Variants in IL7 observed in about 807,000 individuals in gnomAD.
IL7 encodes interleukin 7, also known as interleukin-7.
In IL7, 3 loss-of-function variants were observed where a neutral mutation model predicts 21.6. That is an observed-to-expected ratio of 0.14 (90% CI 0.06 to 0.36). IL7 has a LOEUF of 0.36. Among genes scored for constraint, IL7 ranks in the 10% least tolerant of loss-of-function variants. The pLI is 1.00. For synonymous variants in IL7, 62 were observed against 68.1 expected (o/e 0.91, Z 0.44); for missense variants, 175 against 200.2 (o/e 0.87, Z 0.76).
At chr8:78,701,261 A>G (rs1003547974) in intron 3 of IL7, among the ~76,000 whole-genome samples, 6 of 152,120 alleles carry the variant, frequency 3.9e-5, no homozygotes, top group African/African-American at 1.4e-4. Flanking sequence ...GCAATTGTGA[A>G]TGGGAGTTTG....
chr8:78,695,744 C>T (rs1810379468), intron 3 of IL7, among the ~76,000 whole-genome samples: 1 of 152,070 alleles, frequency 6.6e-6, no homozygotes, highest in South Asian at 2.1e-4. Flanking sequence ...GGTTCATCTC[C>T]CAAAGTCTCA....
chr8:78,708,461 T>C lies in IL7; in HGVS notation n.214+12887A>G, dbSNP rs1458857879. On this transcript the variant is annotated intron_variant and non_coding_transcript_variant, in intron 3 of 4. Coordinates refer to the IL7 transcript ENST00000523959. ...GGGAGAGTGAGGTGGGAGAGTCGCT[T>C]GAACCCAGGAGTTTGAGACTTGCCT... Among the ~76,000 whole-genome samples the C allele has an allele frequency of 5.3e-5, 8 of 152,194 alleles. No individual in the cohort carries two copies. The East Asian group carries it at 5.8e-4, about 11-fold the overall frequency.
At chr8:78,696,640 A>G (rs1029163647) in intron 3 of IL7, among the ~76,000 whole-genome samples, 1 of 152,226 alleles carries the variant, frequency 6.6e-6, no homozygotes, top group Non-Finnish European at 1.5e-5. Context: ...AAAATCCAAG[A>G]TAAGCTGAAA....
chr8:78,756,082 G>T (rs1051802243), intron 2 of IL7, among the ~76,000 whole-genome samples: 1 of 151,958 alleles, frequency 6.6e-6, no homozygotes, highest in South Asian at 2.1e-4. Context: ...TGCTAGTTGA[G>T]ATAATCATAT....
intron 2 of IL7, among the ~76,000 whole-genome samples, chr8:78,783,052 A>C (rs1813392942): frequency 6.6e-6 from 1 of 152,168 alleles, no homozygotes; most frequent in South Asian, 2.1e-4. Context: ...GGGAAAAGGC[A>C]GACTGGAGCT....
At chr8:78,684,600 A>G (rs1334402089) in intron 4 of IL7, among the ~76,000 whole-genome samples, 1 of 152,234 alleles carries the variant, frequency 6.6e-6, no homozygotes, top group African/African-American at 2.4e-5. Flanking sequence ...AGAAGATATG[A>G]TATACCTGGA....
In IL7 at chr8:78,721,250, T is replaced by A. The variant is rs553024245; in HGVS notation, n.360+98A>T. The A allele has an allele frequency of 2.0e-5, 3 of 152,196 alleles. No homozygotes were observed. In the South Asian group the frequency reaches 6.2e-4, roughly 31 times the overall value. 9.4% of individuals were successfully genotyped at this position (152,196 alleles called of 1,614,324 possible). A position where few individuals can be genotyped will look rare whatever the true frequency, so the allele number is the denominator to read the frequency against. On this transcript the variant is annotated intron_variant and non_coding_transcript_variant, in intron 4 of 6. Transcript: ENST00000519833. ...GAAATATTAAAGAGGGAGCTTCTTA[T>A]AACCATAAATTATACAGCTCAGCAT...
chr8:78,804,878 G>T, intron 1 of IL7, 35 bp downstream of exon 1: 3 of 1,612,078 alleles, frequency 1.9e-6, no homozygotes, highest in African/African-American at 1.3e-5. Context: ...CGCGTCGGGC[G>T]CGCGAACTTG....
At chr8:78,784,408 G>T (rs1304046099) in intron 2 of IL7, among the ~76,000 whole-genome samples, 1 of 152,050 alleles carries the variant, frequency 6.6e-6, no homozygotes, top group African/African-American at 2.4e-5. Context: ...CAAAGTCCAT[G>T]GTTCTTTGAT....
intron 3 of IL7, among the ~76,000 whole-genome samples, chr8:78,723,602 C>T (rs1317093004): frequency 6.6e-6 from 1 of 152,020 alleles, no homozygotes; most frequent in South Asian, 2.1e-4. Flanking sequence ...AATGGATAAA[C>T]AAGTACTGGT....
intron 3 of IL7, among the ~76,000 whole-genome samples, chr8:78,698,142 C>T (rs893850752): frequency 1.2e-4 from 18 of 152,066 alleles, no homozygotes; most frequent in Admixed American, 7.9e-4. Flanking sequence ...GGCAATTGTT[C>T]GTAGTAGTCA....
At chr8:78,777,779 T>C (rs1813179962) in intron 2 of IL7, among the ~76,000 whole-genome samples, 2 of 152,096 alleles carry the variant, frequency 1.3e-5, no homozygotes, top group Non-Finnish European at 2.9e-5. Flanking sequence ...CCTATCTTTC[T>C]GAATGCTTTT....
At chr8:78,759,366 T>C (rs550669812) in intron 2 of IL7, among the ~76,000 whole-genome samples, 1 of 152,042 alleles carries the variant, frequency 6.6e-6, no homozygotes, top group East Asian at 1.9e-4. Flanking sequence ...TTTCCAGGTT[T>C]TGCTTATAAA....
rs1814288714 is a variant in IL7, at chr8:78,805,157, C to G, written c.-235G>C. 2.0e-6 allele frequency: 1 copy of G among 493,374 alleles called. No individual in the cohort carries two copies. 30.6% of individuals were successfully genotyped at this position (493,374 alleles called of 1,614,324 possible). ...CTGCGCTTTGCCTTTTCCATAACTT[C>G]CGTAGGATCCGCCAGCAGTGTACTT... On this transcript the variant is annotated 5_prime_UTR_variant, in exon 1 of 6. Coordinates refer to ENST00000263851, the MANE Select transcript of IL7 (RefSeq NM_000880.4).
rs190830239 is a variant in IL7 at position 78,743,157 on chromosome 8, G to T, written c.148-3075C>A. The stretch of plus-strand genomic sequence containing the variant: ...TCCATTATTGATGGCCATTTAGTTT[G>T]ATTCCATGTCTTTGCCATTGTGAAT... On this transcript the variant is annotated intron_variant, in intron 2 of 5. Transcript: ENST00000263851. 2.4e-3 allele frequency among the ~76,000 whole-genome samples: 366 copies of T among 152,238 alleles called. 2 individuals are homozygous for T. Among genetic ancestry groups the T allele is most frequent in the African/African-American group, 8.2e-3 (341 of 41,538 alleles).
chr8:78,715,513 A>C (rs6473116), downstream of IL7, among the ~76,000 whole-genome samples: 493 of 152,314 alleles, frequency 3.2e-3, 2 homozygotes, highest in African/African-American at 0.011. Context: ...CCTTCTGTAA[A>C]GGATTAACCC....
chr8:78,707,711 G>A (rs370270512), intron 3 of IL7, among the ~76,000 whole-genome samples: 4 of 152,120 alleles, frequency 2.6e-5, no homozygotes, highest in East Asian at 3.9e-4. Flanking sequence ...CAGATTAAAG[G>A]AAGCTTTCCA....
chr8:78,797,831 A>G, intron 2 of IL7: 1 of 322,306 alleles, frequency 3.1e-6, no homozygotes, highest in East Asian at 5.1e-5. Flanking sequence ...AATTTACTAA[A>G]AGGGAAATAG....
At chr8:78,766,660 TA>T (rs1812761670) in intron 2 of IL7, among the ~76,000 whole-genome samples, 1 of 152,144 alleles carries the variant, frequency 6.6e-6, no homozygotes, top group African/African-American at 2.4e-5. Context: ...AATTGTTTTA[TA>T]ACTGCGTAAT....
Sources: gnomAD v4.1 joint callset for allele counts (sites outside exome capture counted in the v4.1 genomes callset) on GRCh38, gnomAD v4.1.1 for gene constraint, MANE v1.5 for transcripts, NCBI Gene and HGNC (gene_info 2026-07-23, HGNC 2026-07-21) for gene names.